The following BABAM2 variants were observed in gnomAD, a reference collection of about 807,000 sequenced individuals.
BABAM2 encodes BRISC and BRCA1 A complex member 2.
Under a neutral mutation model 54.7 loss-of-function variants are expected in BABAM2, and 31 were observed. The ratio of observed to expected loss-of-function variants is 0.57; its 90% CI spans 0.43 to 0.77. The LOEUF is 0.77. BABAM2 is among the 30% of genes least tolerant of loss of function. The probability of loss-of-function intolerance (pLI) is 0.00; values close to 1 mark genes in which losing one functional copy is unlikely to be tolerated. For synonymous variants in BABAM2, 167 were observed against 162.9 expected (o/e 1.03, Z -0.19); for missense variants, 364 against 455.8 (o/e 0.80, Z 1.83).
rs560952196 is a variant in BABAM2 at position 28,280,921 on chromosome 2, C to A, written c.935-17417C>A. ...GCTGTTTTATTGTGAGAGTAGCAGGCAGGCTGAATGAGAAGGGGTTAGCTG... is the reference window on the plus strand; with the variant it reads ...GCTGTTTTATTGTGAGAGTAGCAGGAAGGCTGAATGAGAAGGGGTTAGCTG... On this transcript the variant is annotated intron_variant, in intron 10 of 11. Transcript: ENST00000379624. Among the ~76,000 whole-genome samples the A allele has an allele frequency of 3.9e-5, 6 of 152,224 alleles. No homozygotes were observed. The South Asian group carries it at 1.0e-3, about 26-fold the overall frequency.
intron 10 of BABAM2, among the ~76,000 whole-genome samples, chr2:28,278,400 T>C (rs1462071838): frequency 6.6e-6 from 1 of 152,094 alleles, no homozygotes. Context: ...ATTCTAGAAA[T>C]ACTTCAGAGT....
chr2:27,971,602 A>G (rs1035464096), intron 3 of BABAM2, among the ~76,000 whole-genome samples: 1 of 152,102 alleles, frequency 6.6e-6, no homozygotes. Flanking sequence ...ATGTAAATAC[A>G]TAGTGTTCTA....
At chr2:28,219,656 C>CA (rs1225125250) in intron 7 of BABAM2, among the ~76,000 whole-genome samples, 4 of 146,106 alleles carry the variant, frequency 2.7e-5, no homozygotes, top group African/African-American at 1.0e-4. Context: ...TCTGTTTAAT[C>CA]AGAAAAAAAA....
chr2:27,889,369 A>T (rs1361249212), upstream of BABAM2, among the ~76,000 whole-genome samples: 1 of 152,206 alleles, frequency 6.6e-6, no homozygotes, highest in Admixed American at 6.5e-5. Context: ...AGCATACCTG[A>T]TCATTTTTAT....
rs879924720 is a variant in BABAM2 at position 27,936,164 on chromosome 2, C to T, written c.205+6256C>T. Among the ~76,000 whole-genome samples, 132 of 152,230 alleles carry T rather than the reference C, an allele frequency of 8.7e-4. 1 individual carries two copies. The highest frequency in any genetic ancestry group is 3.4e-3 in the Middle Eastern group (1 of 294). ...TGAACTCCTGACCTCAGGTGATCCA[C>T]CCACCTTCGCCTCCCAAAGTGCTGG... On this transcript the variant is annotated intron_variant, in intron 3 of 11. Transcript: ENST00000379624.
intron 9 of BABAM2, 136 bp downstream of exon 9, chr2:28,241,529 C>T: frequency 2.6e-6 from 2 of 778,098 alleles, no homozygotes; most frequent in East Asian, 5.4e-5. Context: ...CAGTCTCGCT[C>T]TGTCACCCAG....
chr2:27,963,078 G>C (rs1445178364), intron 3 of BABAM2, among the ~76,000 whole-genome samples: 1 of 152,016 alleles, frequency 6.6e-6, no homozygotes, highest in Admixed American at 6.6e-5. Flanking sequence ...TTGACAAGTG[G>C]AATTACTAGA....
At chr2:28,227,634 C>T (rs1435639567) in intron 7 of BABAM2, among the ~76,000 whole-genome samples, 24 of 152,202 alleles carry the variant, frequency 1.6e-4, no homozygotes. Context: ...TCCTTACCTT[C>T]CTGTTGTCCA....
At chr2:28,053,585 A>G (rs1262535613) in intron 6 of BABAM2, among the ~76,000 whole-genome samples, 1 of 152,188 alleles carries the variant, frequency 6.6e-6, no homozygotes, top group African/African-American at 2.4e-5. Flanking sequence ...GAAAGCAGTG[A>G]GATGGTCTGA....
chr2:27,969,066 C>T (rs1379862153), intron 3 of BABAM2, among the ~76,000 whole-genome samples: 2 of 151,804 alleles, frequency 1.3e-5, no homozygotes, highest in Non-Finnish European at 2.9e-5. Flanking sequence ...AGATCTTTCC[C>T]ATGCTGTTCT....
chr2:28,028,926 C>G (rs1304182286), intron 5 of BABAM2, among the ~76,000 whole-genome samples: 1 of 151,960 alleles, frequency 6.6e-6, no homozygotes, highest in East Asian at 1.9e-4. Flanking sequence ...GCCACCACGC[C>G]CGGCTAATTT....
intron 11 of BABAM2, among the ~76,000 whole-genome samples, chr2:28,333,043 G>A (rs540626512): frequency 5.3e-5 from 8 of 152,148 alleles, no homozygotes; most frequent in Middle Eastern, 3.4e-3. Context: ...GCACACACGC[G>A]TTCTTCTGGC....
chr2:27,947,602 T>C (rs891975594), intron 3 of BABAM2, among the ~76,000 whole-genome samples: 9 of 152,174 alleles, frequency 5.9e-5, no homozygotes, highest in South Asian at 2.1e-4. Flanking sequence ...AGGTTACAAG[T>C]TTTTTATCAG....
chr2:28,292,033 G>A (rs1687324039), intron 10 of BABAM2, among the ~76,000 whole-genome samples: 1 of 152,256 alleles, frequency 6.6e-6, no homozygotes, highest in South Asian at 2.1e-4. Context: ...GGGTTAAAAC[G>A]TTTCCTAACG....
At chr2:28,045,844 T>A (rs1677516024) in intron 6 of BABAM2, 45 bp downstream of exon 6, 1 of 1,425,492 alleles carries the variant, frequency 7.0e-7, no homozygotes. Context: ...GTGAGCTTTT[T>A]AAGTAATTAT....
Position 28,058,544 on chromosome 2 carries a change from A to G in BABAM2, c.570+12745A>G, listed in dbSNP as rs1032702928. Reference sequence around the variant, plus strand: ...GCATGTTTTAGATTTGCTGAAGTGTATATAAAATATATATATATATGTATA... The same window carrying G: ...GCATGTTTTAGATTTGCTGAAGTGTGTATAAAATATATATATATATGTATA... On this transcript the variant is annotated intron_variant, in intron 6 of 11. Transcript: ENST00000379624. Among the ~76,000 whole-genome samples the G allele has an allele frequency of 8.7e-5, 13 of 150,288 alleles. No homozygotes were observed. The East Asian group carries it at 1.7e-3, about 20-fold the overall frequency.
intron 7 of BABAM2, among the ~76,000 whole-genome samples, chr2:28,157,789 T>G (rs1487753805): frequency 6.6e-6 from 1 of 152,088 alleles, no homozygotes; most frequent in African/African-American, 2.4e-5. Flanking sequence ...TTTTTATATT[T>G]TTAGTAGAGA....
At chr2:28,029,601 T>C (rs1407884898) in intron 5 of BABAM2, among the ~76,000 whole-genome samples, 2 of 152,202 alleles carry the variant, frequency 1.3e-5, no homozygotes, top group East Asian at 3.8e-4. Context: ...CATTCATCCA[T>C]CAGTGAACAT....
chr2:27,984,199 A>G (rs1170208296), intron 3 of BABAM2, among the ~76,000 whole-genome samples: 1 of 151,996 alleles, frequency 6.6e-6, no homozygotes, highest in East Asian at 1.9e-4. Flanking sequence ...AATAGATCCT[A>G]GATTGGCATT....
Sources: gnomAD v4.1 joint callset for allele counts (sites outside exome capture counted in the v4.1 genomes callset) on GRCh38, gnomAD v4.1.1 for gene constraint, MANE v1.5 for transcripts, NCBI Gene and HGNC (gene_info 2026-07-23, HGNC 2026-07-21) for gene names.